Variants in COLQ observed in about 807,000 individuals in gnomAD.
The protein encoded by COLQ is collagen like tail subunit of asymmetric acetylcholinesterase, also known as acetylcholinesterase collagenic tail peptide.
Under a neutral mutation model 69.0 loss-of-function variants are expected in COLQ, and 48 were observed. That is an observed-to-expected ratio of 0.70 (90% confidence interval 0.55 to 0.88). COLQ has a LOEUF of 0.88. Ranked by LOEUF, COLQ falls within the 40% of genes least tolerant of loss-of-function variation. The pLI is 0.00. For synonymous variants in COLQ, 217 were observed against 211.2 expected, an observed-to-expected ratio of 1.03 and a Z score of -0.24; for missense variants, 618 against 594.6, an observed-to-expected ratio of 1.04 and a Z score of -0.41.
chr3:15,514,481 A>AT (rs765866019), intron 1 of COLQ, among the ~76,000 whole-genome samples: 1 of 152,214 alleles, frequency 6.6e-6, no homozygotes, highest in Admixed American at 6.5e-5. Context: ...GACTTTAAGC[A>AT]TTCCCAATGC....
intron 1 of COLQ, among the ~76,000 whole-genome samples, chr3:15,514,385 C>G (rs2125185438): frequency 6.6e-6 from 1 of 152,204 alleles, no homozygotes; most frequent in East Asian, 1.9e-4. Context: ...TCTCAGTGGT[C>G]TGCAGTTTAA....
chr3:15,464,950 C>T (rs1046706037), intron 12 of COLQ, among the ~76,000 whole-genome samples: 24 of 152,212 alleles, frequency 1.6e-4, no homozygotes, highest in Middle Eastern at 3.4e-3. Flanking sequence ...CCGAGGTGGG[C>T]GGATCACGAG....
At chr3:15,452,253 G>A (rs536655748) in intron 16 of COLQ, among the ~76,000 whole-genome samples, 1 of 152,178 alleles carries the variant, frequency 6.6e-6, no homozygotes, top group African/African-American at 2.4e-5. Context: ...TTTTAGTAGA[G>A]GTGGGATTTC....
intron 15 of COLQ, among the ~76,000 whole-genome samples, chr3:15,455,633 G>C (rs151079600): frequency 1.3e-5 from 2 of 152,342 alleles, no homozygotes; most frequent in African/African-American, 4.8e-5. Flanking sequence ...GGACCTGGTG[G>C]CTACATTTTG....
Position 15,457,424 on chromosome 3 carries a change from T to C in COLQ, c.954+762A>G, listed in dbSNP as rs374888114. On this transcript the variant is annotated intron_variant, in intron 13 of 16. Coordinates refer to ENST00000383788, the MANE Select transcript of COLQ (RefSeq NM_005677.4). ...ACAACAGAGAATGGGCAGGAGTGAG[T>C]AGGCATAAAGAGAAAACAAGGACAC... Among the ~76,000 whole-genome samples the C allele has an allele frequency of 1.5e-4, 23 of 151,454 alleles. No individual in the cohort carries two copies. The East Asian group carries it at 3.7e-3, about 24-fold the overall frequency.
chr3:15,490,362 G>A (rs148595101), intron 1 of COLQ, among the ~76,000 whole-genome samples: 157 of 152,208 alleles, frequency 1.0e-3, no homozygotes, highest in Non-Finnish European at 1.8e-3. Flanking sequence ...TAAGGTGGAC[G>A]TATCCTAGAA....
intron 16 of COLQ, among the ~76,000 whole-genome samples, chr3:15,452,599 T>G (rs2061964365): frequency 6.6e-6 from 1 of 152,102 alleles, no homozygotes; most frequent in South Asian, 2.1e-4. Flanking sequence ...CTCGATCCTG[T>G]ACTCCATATC....
Position 15,456,547 on chromosome 3 carries a change from C to G in COLQ, c.987G>C (p.Glu329Asp), listed in dbSNP as rs758991725. Residue 329 changes from glutamate to aspartate, a missense_variant, in exon 14 of 17, where the codon GAG (glutamate) becomes GAC (aspartate). Glu to Asp is a conservative substitution (Grantham distance 45). Coordinates refer to ENST00000383788, the MANE Select transcript of COLQ (RefSeq NM_005677.4). The part of the protein sequence containing the change: ...IFVVNNQEEL[E>D]RLNTQNAIAF... Reference sequence around the variant, plus strand: ...CAATGGCGTTTTGGGTGTTCAGCCTCTCAAGCTCCTCCTGGTTGTTGACCA... The same window carrying G: ...CAATGGCGTTTTGGGTGTTCAGCCTGTCAAGCTCCTCCTGGTTGTTGACCA... 5 of 1,614,158 alleles carry G rather than the reference C, an allele frequency of 3.1e-6. No homozygotes were observed. The highest frequency in any genetic ancestry group is 4.2e-6 in the Non-Finnish European group (5 of 1,180,036).
chr3:15,495,402 T>C (rs79236679), intron 1 of COLQ, among the ~76,000 whole-genome samples: 1,687 of 152,304 alleles, frequency 0.011, 19 homozygotes, highest in Non-Finnish European at 0.013. Flanking sequence ...CATTCTATAA[T>C]TGAGTACCTT....
At chr3:15,515,525 G>A (rs1321704940) in intron 1 of COLQ, among the ~76,000 whole-genome samples, 2 of 152,156 alleles carry the variant, frequency 1.3e-5, no homozygotes, top group Non-Finnish European at 2.9e-5. Context: ...TAAAGAAGAT[G>A]GGGACCAGGG....
At chr3:15,474,886 A>C (rs2062352601) in intron 8 of COLQ, 39 bp downstream of exon 8, 2 of 1,613,026 alleles carry the variant, frequency 1.2e-6, no homozygotes, top group Non-Finnish European at 1.7e-6. Flanking sequence ...CCAGTAGCCC[A>C]GACCAGGCTC....
chr3:15,478,034 G>A (rs2062410477), intron 5 of COLQ, among the ~76,000 whole-genome samples: 1 of 152,264 alleles, frequency 6.6e-6, no homozygotes, highest in Non-Finnish European at 1.5e-5. Context: ...AGATGTGAAG[G>A]GCTCAGCCCC....
chr3:15,457,188 T>C (rs957113467), intron 13 of COLQ, among the ~76,000 whole-genome samples: 1 of 152,180 alleles, frequency 6.6e-6, no homozygotes, highest in African/African-American at 2.4e-5. Context: ...CAATGTCATA[T>C]AGTCAAGTAA....
intron 9 of COLQ, 84 bp downstream of exon 9, chr3:15,474,144 A>G: frequency 6.3e-7 from 1 of 1,595,928 alleles, no homozygotes; most frequent in Admixed American, 1.7e-5. Flanking sequence ...CCATCAGTCC[A>G]TCATCAGTCC....
At chr3:15,470,640 A>G (rs768412163) in intron 10 of COLQ, 24 bp from the exon 11 acceptor site, 4 of 1,611,812 alleles carry the variant, frequency 2.5e-6, no homozygotes, top group South Asian at 2.2e-5. Flanking sequence ...AAGAGAAGCA[A>G]GAGAGGACTT....
intron 1 of COLQ, among the ~76,000 whole-genome samples, chr3:15,507,683 G>A (rs2062930015): frequency 6.6e-6 from 1 of 152,140 alleles, no homozygotes; most frequent in African/African-American, 2.4e-5. Flanking sequence ...TCAAACACTT[G>A]GGCTCAAGTG....
intron 6 of COLQ, 29 bp downstream of exon 6, chr3:15,477,097 C>T: frequency 6.3e-7 from 1 of 1,582,186 alleles, no homozygotes; most frequent in Non-Finnish European, 8.6e-7. Flanking sequence ...TTTGACACCG[C>T]ATGAGCCCTG....
At chr3:15,492,598 C>T (rs1035590593) in intron 1 of COLQ, among the ~76,000 whole-genome samples, 1 of 151,332 alleles carries the variant, frequency 6.6e-6, no homozygotes, top group African/African-American at 2.4e-5. Flanking sequence ...ACCCGGGAGG[C>T]GGAGCTTGCA....
intron 14 of COLQ, 86 bp from the exon 15 acceptor site, chr3:15,456,105 G>T: frequency 6.7e-7 from 1 of 1,502,362 alleles, no homozygotes; most frequent in Non-Finnish European, 9.2e-7. Context: ...TGGTCCAAAG[G>T]CACTGCTGGG....
Sources: gnomAD v4.1 joint callset for allele counts (sites outside exome capture counted in the v4.1 genomes callset) on GRCh38, gnomAD v4.1.1 for gene constraint, MANE v1.5 for transcripts, NCBI Gene and HGNC (gene_info 2026-07-23, HGNC 2026-07-21) for gene names.